IL26: variants seen among roughly 807,000 people sequenced by gnomAD.
IL26 encodes the protein interleukin 26, also known as interleukin-26.
Under a neutral mutation model 21.7 loss-of-function variants are expected in IL26, and 23 were observed. That is an observed-to-expected ratio of 1.06 (90% confidence interval 0.76 to 1.50). The LOEUF is 1.50. IL26 is among the 40% of genes most tolerant of loss of function. The pLI is 0.00. For missense variants in IL26, 204 were observed against 196.0 expected, an observed-to-expected ratio of 1.04 and a Z score of -0.24; for synonymous variants, 63 against 67.8, an observed-to-expected ratio of 0.93 and a Z score of 0.34.
chr12:68,212,237 A>G (rs1868753749), intron 3 of IL26, among the ~76,000 whole-genome samples: 2 of 151,866 alleles, frequency 1.3e-5, no homozygotes, highest in African/African-American at 4.8e-5. Context: ...CTATTGGTCT[A>G]TGTTTTTTGT....
intron 3 of IL26, among the ~76,000 whole-genome samples, chr12:68,216,108 T>A (rs11571019): frequency 0.014 from 2,177 of 151,684 alleles, 41 homozygotes; most frequent in African/African-American, 0.05. Context: ...CTGGCCAACA[T>A]GGTGAAACCC....
chr12:68,202,276 C>T (rs1428673480), intron 3 of IL26, among the ~76,000 whole-genome samples, 193 bp from the exon 4 acceptor site: 1 of 152,016 alleles, frequency 6.6e-6, no homozygotes, highest in African/African-American at 2.4e-5. Context: ...ACAAATAAAA[C>T]AAAAACAAAA....
At chr12:68,223,881 G>T (rs12832042) in intron 3 of IL26, among the ~76,000 whole-genome samples, 133,312 of 137,172 alleles carry the variant, frequency 0.97, 64,783 homozygotes, top group East Asian at 1. Context: ...CTTAAATTTG[G>T]TGGTTTTTTT....
chr12:68,206,830 A>G (rs1197805705), intron 3 of IL26, among the ~76,000 whole-genome samples: 1 of 152,184 alleles, frequency 6.6e-6, no homozygotes, highest in Non-Finnish European at 1.5e-5. Context: ...TTTTAATGGC[A>G]TCTGGGAACT....
chr12:68,221,598 A>G (rs1198025370), intron 3 of IL26, among the ~76,000 whole-genome samples: 1 of 152,238 alleles, frequency 6.6e-6, no homozygotes, highest in Non-Finnish European at 1.5e-5. Context: ...TATGAATGTC[A>G]AAAGAGTTGT....
intron 3 of IL26, among the ~76,000 whole-genome samples, chr12:68,223,884 G>GTTT (rs376115904): frequency 0.25 from 32,637 of 131,558 alleles, 5,534 homozygotes; most frequent in Non-Finnish European, 0.36. Flanking sequence ...AAATTTGGTG[G>GTTT]TTTTTTTTTT....
At chr12:68,224,114 G>C (rs531239677) in intron 3 of IL26, among the ~76,000 whole-genome samples, 9 of 150,364 alleles carry the variant, frequency 6.0e-5, no homozygotes, top group African/African-American at 2.2e-4. Flanking sequence ...CTTTCCAACT[G>C]GCTTCCCAAG....
chr12:68,203,025 A>G (rs1303402515), intron 3 of IL26, among the ~76,000 whole-genome samples: 2 of 152,244 alleles, frequency 1.3e-5, no homozygotes, highest in Non-Finnish European at 2.9e-5. Context: ...CTTTTAAAAA[A>G]TCACTCTGCC....
rs1868394853 is a variant in IL26, at chr12:68,201,754, T to C, written c.*91A>G. ...ATGCCGTCAGTATTATGTTAAAAAG[T>C]TTTTAAAAGAAATAGACTGTTATAA... On this transcript the variant is annotated 3_prime_UTR_variant, in exon 5 of 5. Transcript: ENST00000229134. The C allele has an allele frequency of 2.3e-6, 2 of 856,144 alleles. No individual in the cohort carries two copies. Among genetic ancestry groups the C allele is most frequent in the South Asian group, 2.2e-5 (1 of 46,086 alleles). 53.0% of individuals were successfully genotyped at this position (856,144 alleles called of 1,614,324 possible).
intron 3 of IL26, among the ~76,000 whole-genome samples, chr12:68,209,350 TG>T (rs1188370940): frequency 2.0e-5 from 3 of 152,128 alleles, no homozygotes; most frequent in Admixed American, 6.6e-5. Flanking sequence ...GGTGAGAATG[TG>T]GGGTTGAAAG....
chr12:68,208,057 A>G (rs1289003174), intron 3 of IL26, among the ~76,000 whole-genome samples: 1 of 152,230 alleles, frequency 6.6e-6, no homozygotes, highest in Non-Finnish European at 1.5e-5. Context: ...TTTAATGCAC[A>G]AAAGTACCCT....
intron 3 of IL26, among the ~76,000 whole-genome samples, chr12:68,224,268 C>A (rs1869160872): frequency 1.3e-5 from 2 of 151,130 alleles, no homozygotes; most frequent in African/African-American, 4.9e-5. Context: ...TAACATTGCA[C>A]AGATTCTGGC....
chr12:68,218,825 C>T (rs187632691), intron 3 of IL26, among the ~76,000 whole-genome samples: 4 of 151,834 alleles, frequency 2.6e-5, no homozygotes, highest in East Asian at 1.9e-4. Flanking sequence ...ATAAAAGGCA[C>T]GAATATGTTA....
Position 68,201,674 on chromosome 12 carries a change from T to G in IL26, c.*171A>C. On this transcript the variant is annotated 3_prime_UTR_variant, in exon 5 of 5. Transcript: ENST00000229134. The stretch of plus-strand genomic sequence containing the variant: ...GAAAATGTGCAAATTAGTGACAACT[T>G]ATATCCAAAACGTTAATTTACTAAA... The G allele has an allele frequency of 2.1e-6, 1 of 473,350 alleles. No homozygotes were observed. Among genetic ancestry groups the G allele is most frequent in the Non-Finnish European group, 3.7e-6 (1 of 268,292 alleles). The allele number at this position is 473,350 out of a possible 1,614,324, so 29.3% of individuals were successfully genotyped here. A position where few individuals can be genotyped will look rare whatever the true frequency, so the allele number is the denominator to read the frequency against.
intron 3 of IL26, among the ~76,000 whole-genome samples, chr12:68,210,187 C>T (rs1040488172): frequency 4.6e-5 from 7 of 151,808 alleles, no homozygotes; most frequent in Admixed American, 3.3e-4. Flanking sequence ...CAGATACAGA[C>T]TCTTAAGCAG....
chr12:68,221,003 A>G (rs1869030482), intron 3 of IL26, among the ~76,000 whole-genome samples: 1 of 152,346 alleles, frequency 6.6e-6, no homozygotes, highest in East Asian at 1.9e-4. Flanking sequence ...AGAATTCTGC[A>G]TGCTCAGAAA....
chr12:68,221,394 A>C (rs1407751630), intron 3 of IL26, among the ~76,000 whole-genome samples: 1 of 152,180 alleles, frequency 6.6e-6, no homozygotes, highest in East Asian at 1.9e-4. Flanking sequence ...CCATACCCTC[A>C]AAATGTGGCA....
chr12:68,223,884 G>GTTTT (rs376115904), intron 3 of IL26, among the ~76,000 whole-genome samples: 1,777 of 132,158 alleles, frequency 0.013, 61 homozygotes, highest in South Asian at 0.036. Flanking sequence ...AAATTTGGTG[G>GTTTT]TTTTTTTTTT....
chr12:68,204,984 A>AG (rs58555554), intron 3 of IL26, among the ~76,000 whole-genome samples: 2 of 152,060 alleles, frequency 1.3e-5, no homozygotes, highest in East Asian at 3.9e-4. Flanking sequence ...TGTGTGATAA[A>AG]GGGTCAGCAG....
Sources: gnomAD v4.1 joint callset for allele counts (sites outside exome capture counted in the v4.1 genomes callset) on GRCh38, gnomAD v4.1.1 for gene constraint, MANE v1.5 for transcripts, NCBI Gene and HGNC (gene_info 2026-07-23, HGNC 2026-07-21) for gene names.